TGFA: variants seen among roughly 807,000 people sequenced by gnomAD.
The protein encoded by TGFA is transforming growth factor alpha, also known as protransforming growth factor alpha.
A neutral mutation model predicts 21.7 loss-of-function variants in TGFA; 12 were observed. That is an observed-to-expected ratio of 0.55 (90% confidence interval 0.35 to 0.90). The LOEUF is 0.90. TGFA is among the 40% of genes least tolerant of loss of function. The pLI, the probability that TGFA is intolerant of heterozygous loss-of-function variation, is 0.01. For missense variants in TGFA, 178 were observed against 210.8 expected, an observed-to-expected ratio of 0.84 and a Z score of 0.96; for synonymous variants, 79 against 88.1, an observed-to-expected ratio of 0.90 and a Z score of 0.58.
intron 1 of TGFA, among the ~76,000 whole-genome samples, chr2:70,537,599 AAAG>A (rs1280729655): frequency 1.3e-5 from 2 of 152,206 alleles, no homozygotes; most frequent in African/African-American, 4.8e-5. Flanking sequence ...AGTGGTCTGG[AAAG>A]AAGATCAAAC....
intron 1 of TGFA, among the ~76,000 whole-genome samples, chr2:70,529,590 C>CCCG (rs1553503458): frequency 3.4e-5 from 5 of 148,774 alleles, no homozygotes; most frequent in Non-Finnish European, 4.4e-5. Context: ...GGAGTGAATC[C>CCCG]CCCCGCCCCA....
intron 1 of TGFA, among the ~76,000 whole-genome samples, chr2:70,547,142 C>T (rs1354387025): frequency 3.3e-5 from 5 of 152,086 alleles, no homozygotes; most frequent in Non-Finnish European, 7.4e-5. Context: ...AATGTTGTAT[C>T]GGTTAATATT....
chr2:70,452,599 T>C (rs1300152743), intron 5 of TGFA, among the ~76,000 whole-genome samples: 1 of 152,150 alleles, frequency 6.6e-6, no homozygotes, highest in African/African-American at 2.4e-5. Flanking sequence ...CTATACTAGG[T>C]ATTTTATATC....
At chr2:70,503,480 G>C (rs1307092288) in intron 2 of TGFA, among the ~76,000 whole-genome samples, 1 of 150,552 alleles carries the variant, frequency 6.6e-6, no homozygotes, top group Non-Finnish European at 1.5e-5. Context: ...TGTAAATGAC[G>C]AGTTAATGGG....
At chr2:70,453,915 C>A (rs1670139501) in intron 4 of TGFA, among the ~76,000 whole-genome samples, 1 of 152,034 alleles carries the variant, frequency 6.6e-6, no homozygotes, top group African/African-American at 2.4e-5. Context: ...TCTCTGTAAA[C>A]CTGTGTGACC....
At chr2:70,532,744 C>G (rs1371945886) in intron 1 of TGFA, among the ~76,000 whole-genome samples, 6 of 152,234 alleles carry the variant, frequency 3.9e-5, no homozygotes, top group Admixed American at 2.6e-4. Flanking sequence ...AGAGCAGAAC[C>G]CTCTCCCTGC....
intron 1 of TGFA, among the ~76,000 whole-genome samples, chr2:70,521,609 GTTTGTTTGTTTTT>G (rs1390050812): frequency 1.3e-5 from 1 of 78,876 alleles, no homozygotes; most frequent in African/African-American, 5.0e-5. Flanking sequence ...TTTTGTTGTT[GTTTGTTTGTTTTT>G]TTTTTTTTTT....
rs188439848 is a variant in TGFA at position 70,547,857 on chromosome 2, A to G, written c.40+5871T>C. Among the ~76,000 whole-genome samples the G allele has an allele frequency of 1.4e-4, 21 of 146,514 alleles. No homozygotes were observed. The East Asian group carries it at 3.8e-3, about 27-fold the overall frequency. On this transcript the variant is annotated intron_variant, in intron 1 of 5. Coordinates refer to ENST00000295400, the MANE Select transcript of TGFA (RefSeq NM_003236.4). ...GATATATATAGAGATATATATATCT[A>G]TATATAGAGAGATATATATATCTAT...
At chr2:70,464,112 C>G (rs1288854434) in intron 3 of TGFA, among the ~76,000 whole-genome samples, 1 of 152,190 alleles carries the variant, frequency 6.6e-6, no homozygotes, top group African/African-American at 2.4e-5. Flanking sequence ...AGAGGAAAGC[C>G]CTGACCACAC....
At chr2:70,450,982 G>A (rs1435122112) in intron 5 of TGFA, 116 bp from the exon 6 acceptor site, 27 of 1,297,150 alleles carry the variant, frequency 2.1e-5, no homozygotes, top group Non-Finnish European at 2.9e-5. Context: ...AGTTCTCTCG[G>A]GCAGTTAGGC....
chr2:70,465,861 G>A (rs1670542426), intron 2 of TGFA, 125 bp from the exon 3 acceptor site: 11 of 1,368,922 alleles, frequency 8.0e-6, no homozygotes, highest in Non-Finnish European at 1.1e-5. Flanking sequence ...CTCACCTGGG[G>A]CACACCCTCC....
In TGFA at chr2:70,553,781, G is replaced by GGGCA; in HGVS notation, c.-18_-15dup. 7.8e-7 allele frequency: 1 copy of GGGCA among 1,276,622 alleles called. No homozygotes were observed. Among genetic ancestry groups the GGGCA allele is most frequent in the South Asian group, 3.2e-5 (1 of 31,610 alleles). 79.1% of individuals were successfully genotyped at this position (1,276,622 alleles called of 1,614,324 possible). On this transcript the variant is annotated 5_prime_UTR_variant, in exon 1 of 6. Transcript: ENST00000295400. Reference sequence around the variant, plus strand: ...CGAGGGGACCATTTTACGGGCGGGCGGGCAGCAGGCTCTCCAGCCTCCTGC... The same window carrying GGGCA: ...CGAGGGGACCATTTTACGGGCGGGCGGGCAGGCAGCAGGCTCTCCAGCCTCCTGC...
intron 2 of TGFA, among the ~76,000 whole-genome samples, chr2:70,504,727 G>A (rs61549247): frequency 0.079 from 12,015 of 151,914 alleles, 643 homozygotes; most frequent in African/African-American, 0.15. Context: ...TCTGTCTTGG[G>A]GAAGGGGAAG....
At chr2:70,504,682 A>C (rs1375729692) in intron 2 of TGFA, among the ~76,000 whole-genome samples, 2 of 152,002 alleles carry the variant, frequency 1.3e-5, no homozygotes, top group Non-Finnish European at 2.9e-5. Flanking sequence ...TTTTAATGAA[A>C]TGAAGGGTTA....
intron 2 of TGFA, among the ~76,000 whole-genome samples, chr2:70,468,809 G>A (rs1373549526): frequency 6.6e-6 from 1 of 152,058 alleles, no homozygotes; most frequent in Non-Finnish European, 1.5e-5. Context: ...GGCTCCTCCC[G>A]ATTCTACATT....
In TGFA at chr2:70,502,331, T is replaced by G. The variant is rs565058975; in HGVS notation, c.94+12528A>C. On this transcript the variant is annotated intron_variant, in intron 2 of 5. Coordinates refer to ENST00000295400, the MANE Select transcript of TGFA (RefSeq NM_003236.4). ...AGTGTGGCTTCCTTTGATCTGTTTT[T>G]GTTTGTTTGTTTTTGTTTTTGTTTT... 2.2e-3 allele frequency among the ~76,000 whole-genome samples: 332 copies of G among 152,284 alleles called. 1 individual carries two copies. The highest frequency in any genetic ancestry group is 7.5e-3 in the African/African-American group (312 of 41,556).
intron 1 of TGFA, among the ~76,000 whole-genome samples, chr2:70,529,593 C>CCCCA (rs1342934132): frequency 1.3e-5 from 2 of 151,674 alleles, no homozygotes; most frequent in South Asian, 2.1e-4. Context: ...GTGAATCCCC[C>CCCCA]CGCCCCAGTC....
chr2:70,463,442 C>T (rs562682040), intron 3 of TGFA, among the ~76,000 whole-genome samples: 20 of 152,214 alleles, frequency 1.3e-4, no homozygotes, highest in African/African-American at 4.6e-4. Context: ...AGAGCAGTCA[C>T]CCACCCCAGC....
intron 1 of TGFA, among the ~76,000 whole-genome samples, chr2:70,540,162 C>T (rs1459256423): frequency 6.6e-6 from 1 of 152,182 alleles, no homozygotes; most frequent in Non-Finnish European, 1.5e-5. Context: ...GTAAGTAATC[C>T]TTCCCTTCAA....
Sources: gnomAD v4.1 joint callset for allele counts (sites outside exome capture counted in the v4.1 genomes callset) on GRCh38, gnomAD v4.1.1 for gene constraint, MANE v1.5 for transcripts, NCBI Gene and HGNC (gene_info 2026-07-23, HGNC 2026-07-21) for gene names.